The following TSHZ3 variants were observed in gnomAD, a reference collection of about 807,000 sequenced individuals.
TSHZ3 encodes the protein teashirt zinc finger homeobox 3.
TSHZ3 carries 10 observed loss-of-function variants against 64.5 expected under a neutral mutation model. That is an observed-to-expected ratio of 0.16 (90% confidence interval 0.10 to 0.26). TSHZ3 has a LOEUF of 0.26. Ranked by LOEUF, TSHZ3 falls within the 10% of genes least tolerant of loss-of-function variation. The probability of loss-of-function intolerance (pLI) is 1.00; values close to 1 mark genes in which losing one functional copy is unlikely to be tolerated. For missense variants in TSHZ3, 1,242 were observed against 1,421.7 expected (o/e 0.87, Z 2.03); for synonymous variants, 608 against 593.1 (o/e 1.03, Z -0.36).
rs541460981 is a variant in TSHZ3, at chr19:31,314,760, A to C, written c.40+34420T>G. ...TTGCTCTGTAATCACCGTCATTCTC[A>C]GACCCCTTGAGTGTCCACCTCCGGG... On this transcript the variant is annotated intron_variant, in intron 1 of 1. Transcript: ENST00000240587. Among the ~76,000 whole-genome samples, 350 of 152,324 alleles carry C rather than the reference A, an allele frequency of 2.3e-3. 16 individuals carry two copies. In the South Asian group the frequency reaches 0.07, roughly 30 times the overall value.
intron 4 of TSHZ3, among the ~76,000 whole-genome samples, chr19:31,227,837 T>A (rs558248618): frequency 6.6e-6 from 1 of 152,288 alleles, no homozygotes; most frequent in South Asian, 2.1e-4. Context: ...TCAGCAACCA[T>A]CCAGTTTCTT....
At position 31,192,655 on chromosome 19, in the gene TSHZ3, A is replaced by T. The variant is rs146785275; in HGVS notation, n.809+12301T>A. On this transcript the variant is annotated intron_variant and non_coding_transcript_variant, in intron 5 of 6. Coordinates refer to the TSHZ3 transcript ENST00000651361. ...ATCATCCAACATTGTTTTGGGGCCA[A>T]CTTTATTTCTTTGCATTACAGTGTA... Among the ~76,000 whole-genome samples, 1,257 of 152,242 alleles carry T rather than the reference A, an allele frequency of 8.3e-3. 13 individuals are homozygous for T. Among genetic ancestry groups the T allele is most frequent in the Non-Finnish European group, 0.014 (942 of 68,008 alleles).
At chr19:31,179,578 C>G (rs1024823169) in intron 5 of TSHZ3, among the ~76,000 whole-genome samples, 1 of 151,828 alleles carries the variant, frequency 6.6e-6, no homozygotes, top group Non-Finnish European at 1.5e-5. Context: ...GTGCTGGTAA[C>G]AGTGATAATT....
At chr19:31,269,723 G>T (rs1496625) in intron 1 of TSHZ3, among the ~76,000 whole-genome samples, 35,048 of 152,134 alleles carry the variant, frequency 0.23, 4,843 homozygotes, top group Middle Eastern at 0.39. Flanking sequence ...ATGTTGAAAT[G>T]CAGTAATTTA....
At chr19:31,179,768 G>A (rs910805664) in intron 5 of TSHZ3, among the ~76,000 whole-genome samples, 3 of 149,882 alleles carry the variant, frequency 2.0e-5, no homozygotes, top group East Asian at 2.0e-4. Context: ...GTGATGGTGG[G>A]GGTGATGATA....
In TSHZ3 at chr19:31,245,629, A is replaced by G. The variant is rs148101151; in HGVS notation, n.64-2754T>C. On this transcript the variant is annotated intron_variant and non_coding_transcript_variant, in intron 1 of 6. Transcript: ENST00000651361. ...TGGGAGCTCTGGACATGTGAAAATCATTGCTCCTGTACTGTAAGACCTGAT... is the reference window on the plus strand; with the variant it reads ...TGGGAGCTCTGGACATGTGAAAATCGTTGCTCCTGTACTGTAAGACCTGAT... Among the ~76,000 whole-genome samples the G allele has an allele frequency of 4.0e-4, 60 of 149,428 alleles. 2 individuals are homozygous for G. The East Asian group carries it at 7.8e-3, about 19-fold the overall frequency.
chr19:31,160,719 C>G (rs943950026), intron 5 of TSHZ3, among the ~76,000 whole-genome samples: 1 of 151,914 alleles, frequency 6.6e-6, no homozygotes, highest in Non-Finnish European at 1.5e-5. Flanking sequence ...CACGTATATA[C>G]ACATACACAC....
At position 31,247,865 on chromosome 19, in the gene TSHZ3, TG is replaced by T. The variant is rs199872076; in HGVS notation, n.64-4991del. Among the ~76,000 whole-genome samples, 811 of 152,198 alleles carry T rather than the reference TG, an allele frequency of 5.3e-3. 4 individuals are homozygous for T. Among genetic ancestry groups the T allele is most frequent in the African/African-American group, 0.018 (766 of 41,514 alleles). On this transcript the variant is annotated intron_variant and non_coding_transcript_variant, in intron 1 of 6. Transcript: ENST00000651361. ...TATACACACAATTACAGTGTGTGTG[TG>T]TGTGTGTATGTATGTATGTATTAGT...
chr19:31,257,391 A>G (rs1445486570), intron 1 of TSHZ3, among the ~76,000 whole-genome samples: 2 of 152,136 alleles, frequency 1.3e-5, no homozygotes, highest in Admixed American at 6.5e-5. Context: ...GCAAAACAGT[A>G]TATGTGAGTA....
At chr19:31,308,849 G>T (rs1462422152) in intron 1 of TSHZ3, 2 of 394,444 alleles carry the variant, frequency 5.1e-6, no homozygotes, top group East Asian at 3.6e-5. Context: ...AGAAAATGAG[G>T]CCCCAAACAG....
At chr19:31,280,308 T>C (rs927738486) in intron 1 of TSHZ3, among the ~76,000 whole-genome samples, 9 of 151,836 alleles carry the variant, frequency 5.9e-5, no homozygotes, top group Admixed American at 5.2e-4. Flanking sequence ...GTACGTCCAT[T>C]GTAATAAGGG....
chr19:31,193,070 C>T (rs1496632), intron 5 of TSHZ3, among the ~76,000 whole-genome samples: 103,365 of 151,958 alleles, frequency 0.68, 35,264 homozygotes, highest in Middle Eastern at 0.74. Flanking sequence ...CTGTGTGGCA[C>T]AGGGAGGCCT....
chr19:31,158,742 A>C (rs1974336024), intron 5 of TSHZ3, among the ~76,000 whole-genome samples: 1 of 152,204 alleles, frequency 6.6e-6, no homozygotes, highest in African/African-American at 2.4e-5. Flanking sequence ...AGGTGGCCCC[A>C]TATGGGGATG....
intron 1 of TSHZ3, among the ~76,000 whole-genome samples, chr19:31,301,615 GCAAA>G (rs1976758152): frequency 6.6e-6 from 1 of 152,166 alleles, no homozygotes; most frequent in Non-Finnish European, 1.5e-5. Flanking sequence ...AGACACCCCG[GCAAA>G]GGGATTCCGC....
At chr19:31,327,334 A>C (rs1243454401) in intron 1 of TSHZ3, among the ~76,000 whole-genome samples, 1 of 152,220 alleles carries the variant, frequency 6.6e-6, no homozygotes, top group African/African-American at 2.4e-5. Context: ...TGGGAATCAT[A>C]TTCTACATGT....
At chr19:31,226,340 A>G (rs982992502) in intron 4 of TSHZ3, among the ~76,000 whole-genome samples, 2 of 152,088 alleles carry the variant, frequency 1.3e-5, no homozygotes, top group African/African-American at 2.4e-5. Flanking sequence ...ACTGAATCAT[A>G]AGGGTGGTTT....
At chr19:31,237,702 A>G (rs957100916) in intron 3 of TSHZ3, among the ~76,000 whole-genome samples, 1 of 152,126 alleles carries the variant, frequency 6.6e-6, no homozygotes, top group Admixed American at 6.5e-5. Context: ...TTGGTATTAA[A>G]CCTTTTTCTT....
intron 4 of TSHZ3, among the ~76,000 whole-genome samples, chr19:31,220,307 T>C (rs1287146859): frequency 2.6e-5 from 4 of 152,188 alleles, no homozygotes; most frequent in Non-Finnish European, 5.9e-5. Context: ...AAAGGCAAGA[T>C]TGAAATCCAG....
intron 1 of TSHZ3, among the ~76,000 whole-genome samples, chr19:31,302,354 AC>A (rs1209390356): frequency 6.6e-6 from 1 of 152,034 alleles, no homozygotes; most frequent in African/African-American, 2.4e-5. Context: ...GGGACATAAG[AC>A]TCCACATCAT....
Sources: gnomAD v4.1 joint callset for allele counts (sites outside exome capture counted in the v4.1 genomes callset) on GRCh38, gnomAD v4.1.1 for gene constraint, MANE v1.5 for transcripts, NCBI Gene and HGNC (gene_info 2026-07-23, HGNC 2026-07-21) for gene names.